The following TENM4 variants were observed in gnomAD, a reference collection of about 807,000 sequenced individuals.
TENM4 encodes the protein teneurin transmembrane protein 4, also known as teneurin-4.
TENM4 carries 82 observed loss-of-function variants against 243.3 expected under a neutral mutation model. The observed-to-expected ratio is 0.34, with a 90% CI of 0.28 to 0.40. TENM4 has a LOEUF of 0.40. TENM4 is among the 10% of genes least tolerant of loss of function. The probability of loss-of-function intolerance (pLI) is 1.00; values close to 1 mark genes in which losing one functional copy is unlikely to be tolerated. For missense variants in TENM4, 3,138 were observed against 3,673.3 expected (o/e 0.85, Z 3.77); for synonymous variants, 1,412 against 1,456.3 (o/e 0.97, Z 0.69).
At chr11:78,688,655 G>T (rs751413599) in intron 28 of TENM4, among the ~76,000 whole-genome samples, 1 of 152,170 alleles carries the variant, frequency 6.6e-6, no homozygotes, top group Non-Finnish European at 1.5e-5. Context: ...AAACCCGCAA[G>T]AACTGGTTAT....
intron 29 of TENM4, among the ~76,000 whole-genome samples, chr11:78,685,064 T>C (rs1354162915): frequency 6.6e-6 from 1 of 152,100 alleles, no homozygotes; most frequent in African/African-American, 2.4e-5. Context: ...CTCTCACACA[T>C]GCAAAAATTC....
In TENM4 at chr11:78,658,858, G is replaced by GA. The variant is rs776851915; in HGVS notation, c.7552-43dup. 8.9e-6 allele frequency: 14 copies of GA among 1,564,882 alleles called. No homozygotes were observed. The East Asian group carries it at 2.9e-4, about 33-fold the overall frequency. On this transcript the variant is annotated intron_variant, in intron 33 of 33. Coordinates refer to ENST00000278550, the MANE Select transcript of TENM4 (RefSeq NM_001098816.3). The stretch of plus-strand genomic sequence containing the variant: ...GTGAGAGAGAGAGTAAGACAAAGGG[G>GA]AAAAAACCCTGAGAACCTGGAGAAT...
chr11:78,686,886 T>C (rs1858688621), intron 29 of TENM4, among the ~76,000 whole-genome samples: 2 of 152,172 alleles, frequency 1.3e-5, no homozygotes, highest in Non-Finnish European at 2.9e-5. Flanking sequence ...AGGACTAAAT[T>C]TGGGAGTAAA....
In TENM4 at chr11:79,286,131, T is replaced by C. The variant is rs114194023; in HGVS notation, c.-265+11357A>G. Among the ~76,000 whole-genome samples the C allele has an allele frequency of 7.0e-3, 1,065 of 152,166 alleles. 20 individuals are homozygous for C. The highest frequency in any genetic ancestry group is 0.025 in the African/African-American group (1,019 of 41,510). On this transcript the variant is annotated intron_variant, in intron 2 of 33. Transcript: ENST00000278550. ...ATGGAAACAGCTGATTTGCTAGAAG[T>C]GGTGCAATGAAAGGTGATTGTATTT...
intron 6 of TENM4, among the ~76,000 whole-genome samples, chr11:79,040,669 G>T (rs1237127326): frequency 6.6e-6 from 1 of 152,180 alleles, no homozygotes; most frequent in Non-Finnish European, 1.5e-5. Context: ...AGGAGGCAAA[G>T]AGGGAGGATG....
At chr11:79,230,578 G>A (rs553210334) in intron 2 of TENM4, among the ~76,000 whole-genome samples, 1 of 152,310 alleles carries the variant, frequency 6.6e-6, no homozygotes, top group South Asian at 2.1e-4. Context: ...ACCCGATAAT[G>A]GAAATAACAT....
intron 26 of TENM4, among the ~76,000 whole-genome samples, chr11:78,709,036 C>T (rs1219400654): frequency 2.0e-5 from 3 of 148,382 alleles, no homozygotes; most frequent in Non-Finnish European, 3.0e-5. Flanking sequence ...GGCGCGATCT[C>T]GGCTCACTGC....
intron 6 of TENM4, among the ~76,000 whole-genome samples, chr11:78,946,594 A>G (rs1478441797): frequency 6.6e-6 from 1 of 152,240 alleles, no homozygotes; most frequent in African/African-American, 2.4e-5. Flanking sequence ...TTATAAGACT[A>G]TAGCTGCCAT....
At chr11:78,838,865 T>A (rs1858184250) in intron 12 of TENM4, among the ~76,000 whole-genome samples, 1 of 152,226 alleles carries the variant, frequency 6.6e-6, no homozygotes, top group Admixed American at 6.5e-5. Flanking sequence ...CTGTGTCTTA[T>A]CAACTGCATC....
At chr11:79,129,519 G>A (rs1370966619) in intron 4 of TENM4, among the ~76,000 whole-genome samples, 2 of 152,260 alleles carry the variant, frequency 1.3e-5, no homozygotes, top group Admixed American at 6.5e-5. Context: ...AAACAGACTC[G>A]GTGCTGTTTG....
At chr11:78,668,639 G>T (rs1858224694) in intron 32 of TENM4, among the ~76,000 whole-genome samples, 1 of 152,026 alleles carries the variant, frequency 6.6e-6, no homozygotes. Flanking sequence ...AGAAATAGTG[G>T]GCAAATATAT....
intron 7 of TENM4, among the ~76,000 whole-genome samples, chr11:78,898,008 A>G (rs1376007617): frequency 6.6e-6 from 1 of 152,210 alleles, no homozygotes; most frequent in Non-Finnish European, 1.5e-5. Context: ...TGGGTTATTA[A>G]TCAGACAGTC....
At chr11:78,730,961 A>G (rs376856870) in intron 21 of TENM4, among the ~76,000 whole-genome samples, 9 of 152,218 alleles carry the variant, frequency 5.9e-5, no homozygotes, top group Admixed American at 2.6e-4. Flanking sequence ...TCTCAAAAAT[A>G]TTTACCTTCT....
At chr11:78,956,495 C>A (rs78330781) in intron 6 of TENM4, among the ~76,000 whole-genome samples, 2 of 152,176 alleles carry the variant, frequency 1.3e-5, no homozygotes, top group South Asian at 2.1e-4. Flanking sequence ...TATAGCAGAG[C>A]GGCTAGGCCT....
intron 16 of TENM4, among the ~76,000 whole-genome samples, chr11:78,782,300 A>G (rs1216083554): frequency 1.3e-5 from 2 of 152,042 alleles, no homozygotes; most frequent in South Asian, 2.1e-4. Context: ...CGTCACTACT[A>G]AAAATACAAA....
At chr11:78,837,556 T>C (rs1057259619) in intron 12 of TENM4, among the ~76,000 whole-genome samples, 13 of 152,140 alleles carry the variant, frequency 8.5e-5, no homozygotes, top group African/African-American at 3.1e-4. Context: ...TGATGAACCT[T>C]CTCCTGACCA....
At chr11:79,299,150 G>A (rs1265021868) in intron 1 of TENM4, among the ~76,000 whole-genome samples, 4 of 152,024 alleles carry the variant, frequency 2.6e-5, no homozygotes, top group South Asian at 2.1e-4. Flanking sequence ...AGTTGAAAGC[G>A]CTCATCCATG....
intron 4 of TENM4, among the ~76,000 whole-genome samples, chr11:79,106,199 G>A (rs1016419778): frequency 1.3e-5 from 2 of 152,226 alleles, no homozygotes; most frequent in African/African-American, 4.8e-5. Context: ...GGCAAAGGCA[G>A]GATCCTAACT....
chr11:79,239,530 C>T (rs2135278082), intron 2 of TENM4, among the ~76,000 whole-genome samples: 1 of 152,242 alleles, frequency 6.6e-6, no homozygotes, highest in African/African-American at 2.4e-5. Context: ...GATGCATGAA[C>T]TCAAGGGCCC....
Sources: gnomAD v4.1 joint callset for allele counts (sites outside exome capture counted in the v4.1 genomes callset) on GRCh38, gnomAD v4.1.1 for gene constraint, MANE v1.5 for transcripts, NCBI Gene and HGNC (gene_info 2026-07-23, HGNC 2026-07-21) for gene names.